Variants in UBE2O observed in about 807,000 individuals in gnomAD.
UBE2O encodes the protein (E3-independent) E2 ubiquitin-conjugating enzyme.
In UBE2O, 15 loss-of-function variants were observed where a neutral mutation model predicts 125.8. That is an observed-to-expected ratio of 0.12 (90% CI 0.08 to 0.18). The LOEUF (loss-of-function observed/expected upper bound fraction) is 0.18. Among genes scored for constraint, UBE2O ranks in the 10% least tolerant of loss-of-function variants. UBE2O has a pLI of 1.00. For missense variants in UBE2O, 1,280 were observed against 1,723.6 expected, an observed-to-expected ratio of 0.74 and a Z score of 4.56; for synonymous variants, 708 against 703.2, an observed-to-expected ratio of 1.01 and a Z score of -0.11.
chr17:76,414,148 G>A (rs956665482), intron 1 of UBE2O, among the ~76,000 whole-genome samples: 1 of 152,188 alleles, frequency 6.6e-6, no homozygotes, highest in Non-Finnish European at 1.5e-5. Flanking sequence ...TGGGGGAGGG[G>A]AGGGAGAACC....
chr17:76,407,453 C>A (rs2072444429), intron 1 of UBE2O, among the ~76,000 whole-genome samples: 1 of 152,194 alleles, frequency 6.6e-6, no homozygotes, highest in African/African-American at 2.4e-5. Flanking sequence ...CTTCAAAAAG[C>A]CACAATTGCT....
chr17:76,446,028 G>A (rs867671170), intron 1 of UBE2O, among the ~76,000 whole-genome samples: 1 of 152,222 alleles, frequency 6.6e-6, no homozygotes, highest in Non-Finnish European at 1.5e-5. Flanking sequence ...TGAGAAAAGT[G>A]ATAGCCTCTT....
intron 1 of UBE2O, among the ~76,000 whole-genome samples, chr17:76,417,352 T>C (rs2072633125): frequency 6.6e-6 from 1 of 152,252 alleles, no homozygotes; most frequent in African/African-American, 2.4e-5. Flanking sequence ...CGAGGACCTC[T>C]TCCCTGGAGA....
At position 76,402,273 on chromosome 17, in the gene UBE2O, A is replaced by T. The variant is rs532693880; in HGVS notation, c.687-146T>A. ...AACTCAGCCCGAGGTAGTACAAGAA[A>T]CTCTCCCACAACGAACAAGACCCCA... On this transcript the variant is annotated intron_variant, in intron 4 of 17. Coordinates refer to ENST00000319380, the MANE Select transcript of UBE2O (RefSeq NM_022066.4). The surrounding 1 kb of genome is among the most constrained non-coding windows in gnomAD (Gnocchi z 5.4). 1 of 734,356 alleles carries T rather than the reference A, an allele frequency of 1.4e-6. No homozygotes were observed. The highest frequency in any genetic ancestry group is 2.7e-5 in the Admixed American group (1 of 36,778). The allele number at this position is 734,356 out of a possible 1,614,324, so 45.5% of individuals were successfully genotyped here.
At chr17:76,450,864 G>A (rs1222634867) in intron 1 of UBE2O, among the ~76,000 whole-genome samples, 1 of 152,094 alleles carries the variant, frequency 6.6e-6, no homozygotes, top group Non-Finnish European at 1.5e-5. Context: ...CAGGTGATCC[G>A]CCCGCCTCGG....
At chr17:76,412,477 T>G (rs1009492054) in intron 1 of UBE2O, among the ~76,000 whole-genome samples, 1 of 152,148 alleles carries the variant, frequency 6.6e-6, no homozygotes, top group African/African-American at 2.4e-5. Flanking sequence ...AGTGGCCAAC[T>G]GGGGGTGTGG....
chr17:76,416,053 A>G (rs2072605204), intron 1 of UBE2O, among the ~76,000 whole-genome samples: 1 of 151,938 alleles, frequency 6.6e-6, no homozygotes, highest in Admixed American at 6.6e-5. Context: ...GTACATATGT[A>G]CATACACGTA....
Position 76,402,098 on chromosome 17 carries a change from T to C in UBE2O, c.716A>G (p.Lys239Arg), listed in dbSNP as rs1248860453. 6 of 1,613,722 alleles carry C rather than the reference T, an allele frequency of 3.7e-6. No individual in the cohort carries two copies. The South Asian group carries it at 6.6e-5, about 18-fold the overall frequency. ...RCSMNTEDGA[K>R]LYDVCPHVSD... ...GACGTGCGGGCAGACGTCGTAGAGC[T>C]TGGCGCCATCTTCCGTGTTCATGGA... The change falls in exon 5 of 18, where the codon AAG becomes AGG. Residue 239 changes from lysine (K) to arginine (R), a missense_variant. By Grantham distance (26) the Lys-to-Arg change is conservative. This residue lies in a region of UBE2O where 206 missense variants were observed against 315.7 expected (regional missense o/e 0.65). Coordinates refer to ENST00000319380, the MANE Select transcript of UBE2O (RefSeq NM_022066.4). The surrounding 1 kb of genome is among the most constrained non-coding windows in gnomAD (Gnocchi z 5.4).
rs2072206310 is a variant in UBE2O, at chr17:76,396,217, G to A, written c.2720C>T (p.Pro907Leu). The A allele has an allele frequency of 3.1e-6, 5 of 1,614,148 alleles. No homozygotes were observed. The highest frequency in any genetic ancestry group is 1.3e-5 in the African/African-American group (1 of 75,066). The change falls in exon 14 of 18, where the codon CCG (proline) becomes CTG (leucine). Residue 907 changes from proline (P) to leucine (L), a missense_variant. By Grantham distance (98) the Pro-to-Leu change is moderately conservative (BLOSUM62 -3). Around this residue, in one of 10 missense-constraint regions of UBE2O, gnomAD observed 116 missense variants for 154.8 expected, o/e 0.75. Coordinates refer to ENST00000319380, the MANE Select transcript of UBE2O (RefSeq NM_022066.4). This position sits in a 1 kb window ranked among gnomAD's most constrained non-coding sequence, Gnocchi z 6.7. Reference protein sequence around the residue: ...PVKAEWPSETPVLCQQCGGKP... With the variant: ...PVKAEWPSETLVLCQQCGGKP... Reference sequence around the variant, plus strand: ...GCCGCCACACTGCTGGCACAGCACCGGGGTTTCGCTGGGCCACTCAGCCTT... The same window carrying A: ...GCCGCCACACTGCTGGCACAGCACCAGGGTTTCGCTGGGCCACTCAGCCTT...
intron 1 of UBE2O, among the ~76,000 whole-genome samples, chr17:76,450,142 A>T (rs1274968054): frequency 3.3e-5 from 5 of 152,082 alleles, no homozygotes; most frequent in African/African-American, 1.2e-4. Context: ...CTCAAATCTC[A>T]TAACTAGATT....
chr17:76,405,556 C>A lies in UBE2O; in HGVS notation c.434G>T (p.Arg145Leu). ...VKETKLKLED[R>L]SVVPRDVVRH... The stretch of plus-strand genomic sequence containing the variant: ...GACCACATCTCGGGGCACCACAGAA[C>A]GGTCCTCTAGTTTCAGCTGTAAAAG... Residue 145 changes from arginine (R) to leucine (L), a missense_variant, in exon 2 of 18, where the codon CGT becomes CTT. By Grantham distance (102) the Arg-to-Leu change is moderately radical. Around this residue, in one of 10 missense-constraint regions of UBE2O, gnomAD observed 206 missense variants for 315.7 expected, o/e 0.65. Coordinates refer to ENST00000319380, the MANE Select transcript of UBE2O (RefSeq NM_022066.4). The surrounding 1 kb of genome is among the most constrained non-coding windows in gnomAD (Gnocchi z 6.1). 1 of 1,595,980 alleles carries A rather than the reference C, an allele frequency of 6.3e-7. No individual in the cohort carries two copies. Among genetic ancestry groups the A allele is most frequent in the Non-Finnish European group, 8.5e-7 (1 of 1,172,954 alleles).
chr17:76,434,589 C>T (rs908539671), intron 1 of UBE2O, among the ~76,000 whole-genome samples: 3 of 152,048 alleles, frequency 2.0e-5, no homozygotes, highest in African/African-American at 7.2e-5. Flanking sequence ...ACAGAACCCA[C>T]CTTATATGGC....
At chr17:76,429,016 C>T (rs202122073) in intron 1 of UBE2O, among the ~76,000 whole-genome samples, 3 of 151,648 alleles carry the variant, frequency 2.0e-5, no homozygotes, top group Non-Finnish European at 4.4e-5. Context: ...ATTCTCCTGC[C>T]TCAGCCTCCC....
rs1315806057 is a variant in UBE2O, at chr17:76,452,976, A to C, written c.166T>G (p.Ser56Ala). 2 of 1,494,582 alleles carry C rather than the reference A, an allele frequency of 1.3e-6. No homozygotes were observed. Among genetic ancestry groups the C allele is most frequent in the African/African-American group, 2.9e-5 (2 of 68,426 alleles). The allele number at this position is 1,494,582 out of a possible 1,614,324, so 92.6% of individuals were successfully genotyped here. The part of the protein sequence containing the change: ...PSSDSGPEAG[S>A]QRLLFSHDLV... ...TCGTGAGAAAACAGCAGGCGCTGCGAGCCGGCTTCTGGGCCGGAGTCCGAG... is the reference window on the plus strand; with the variant it reads ...TCGTGAGAAAACAGCAGGCGCTGCGCGCCGGCTTCTGGGCCGGAGTCCGAG... Residue 56 changes from serine (S) to alanine (A), a missense_variant, in exon 1 of 18, where the codon TCG becomes GCG. Around this residue, in one of 10 missense-constraint regions of UBE2O, gnomAD observed 188 missense variants for 192.5 expected, o/e 0.98. Transcript: ENST00000319380. This position sits in a 1 kb window ranked among gnomAD's most constrained non-coding sequence, Gnocchi z 4.4.
chr17:76,444,420 C>A (rs2073123485), intron 1 of UBE2O, among the ~76,000 whole-genome samples: 1 of 152,110 alleles, frequency 6.6e-6, no homozygotes, highest in Admixed American at 6.5e-5. Flanking sequence ...GTGTGTAGTT[C>A]CAGCTGCACA....
chr17:76,400,953 T>C lies in UBE2O; in HGVS notation c.894+58A>G. The C allele has an allele frequency of 6.3e-7, 1 of 1,594,810 alleles. No homozygotes were observed. The highest frequency in any genetic ancestry group is 8.6e-7 in the Non-Finnish European group (1 of 1,167,830). ...GAGCAGGAAGGAAAGGGGCAGCAGC[T>C]CAGCTCCAGGGTGTGGAGGTCAAGG... On this transcript the variant is annotated intron_variant, in intron 6 of 17. Coordinates refer to ENST00000319380, the MANE Select transcript of UBE2O (RefSeq NM_022066.4). This position sits in a 1 kb window ranked among gnomAD's most constrained non-coding sequence, Gnocchi z 4.3.
chr17:76,390,602 G>A lies in UBE2O; in HGVS notation c.*341C>T, dbSNP rs138443715. On this transcript the variant is annotated 3_prime_UTR_variant, in exon 18 of 18. Coordinates refer to ENST00000319380, the MANE Select transcript of UBE2O (RefSeq NM_022066.4). ...GGTCTGCAGGGAACCGGCCCAGAGAGCCCCGCGGCAGGCCCTGGAACACCC... is the reference window on the plus strand; with the variant it reads ...GGTCTGCAGGGAACCGGCCCAGAGAACCCCGCGGCAGGCCCTGGAACACCC... The A allele has an allele frequency of 3.8e-5, 9 of 235,052 alleles. No individual in the cohort carries two copies. The highest frequency in any genetic ancestry group is 6.7e-5 in the Non-Finnish European group (8 of 120,300). The allele number at this position is 235,052 out of a possible 1,614,324, so 14.6% of individuals were successfully genotyped here.
At chr17:76,415,920 CAT>C (rs1293730842) in intron 1 of UBE2O, among the ~76,000 whole-genome samples, 9 of 132,380 alleles carry the variant, frequency 6.8e-5, no homozygotes, top group East Asian at 3.9e-4. Context: ...TACACATGCA[CAT>C]ACACGTATAT....
At chr17:76,436,658 C>A (rs1018366083) in intron 1 of UBE2O, among the ~76,000 whole-genome samples, 1 of 152,114 alleles carries the variant, frequency 6.6e-6, no homozygotes, top group Non-Finnish European at 1.5e-5. Context: ...AAGTGCTATC[C>A]AAGGTTCCTC....
Sources: allele counts gnomAD v4.1 joint callset (sites outside exome capture counted in the v4.1 genomes callset), GRCh38; gene constraint gnomAD v4.1.1; regional missense constraint gnomAD v4.1.1; non-coding constraint Gnocchi (gnomAD v3.1); transcripts MANE v1.5; gene names NCBI Gene and HGNC (gene_info 2026-07-23, HGNC 2026-07-21).